UCKL1: variants seen among roughly 807,000 people sequenced by gnomAD.
UCKL1 encodes uridine-cytidine kinase 1 like 1.
A neutral mutation model predicts 59.2 loss-of-function variants in UCKL1; 65 were observed. The ratio of observed to expected loss-of-function variants is 1.10; its 90% CI spans 0.90 to 1.35. The LOEUF (loss-of-function observed/expected upper bound fraction) is 1.35, where lower values mean the gene tolerates loss of function less well. Among genes scored for constraint, UCKL1 ranks in the 40% most tolerant of loss-of-function variants. The probability of loss-of-function intolerance (pLI) is 0.00; values close to 1 mark genes in which losing one functional copy is unlikely to be tolerated. For missense variants in UCKL1, 703 were observed against 784.3 expected (o/e 0.90, Z 1.24); for synonymous variants, 410 against 323.1 (o/e 1.27, Z -2.88).
In UCKL1 at chr20:63,940,157, T is replaced by G; in HGVS notation, c.1560A>C (p.Pro520=). The change falls in exon 14 of 15, where the codon CCA becomes CCC. Residue 520 remains proline (P), a synonymous_variant. Coordinates refer to ENST00000354216, the MANE Select transcript of UCKL1 (RefSeq NM_017859.4). ...GGGCCCGGGCAGCCTCACCAATGCC[T>G]GGGATGATGCGGAAAAGGTCATTGA... ...KRVNDLFRII[P]GIGNFGDRYF... 1.2e-6 allele frequency: 2 copies of G among 1,612,406 alleles called. No individual in the cohort carries two copies. Among genetic ancestry groups the G allele is most frequent in the Non-Finnish European group, 1.7e-6 (2 of 1,179,896 alleles).
At chr20:63,941,588 C>A (rs2146378051) in intron 8 of UCKL1, 1 of 252,446 alleles carries the variant, frequency 4.0e-6, no homozygotes. Context: ...TTGTCCCCAG[C>A]CTCTCCCCGG....
In UCKL1 at chr20:63,956,391, T is replaced by C. The variant is rs1166002539; in HGVS notation, c.-19A>G. ...CAGCCATGGCGCTCGGAGGCCTCTT[T>C]GCGGGCCTGGCCGGGCGGCGCGCAT... On this transcript the variant is annotated 5_prime_UTR_variant, in exon 1 of 15. Coordinates refer to ENST00000354216, the MANE Select transcript of UCKL1 (RefSeq NM_017859.4). 13 of 1,439,172 alleles carry C rather than the reference T, an allele frequency of 9.0e-6. No individual in the cohort carries two copies. The highest frequency in any genetic ancestry group is 1.2e-5 in the Non-Finnish European group (13 of 1,098,172). The allele number at this position is 1,439,172 out of a possible 1,614,324, so 89.2% of individuals were successfully genotyped here. A position where few individuals can be genotyped will look rare whatever the true frequency, so the allele number is the denominator to read the frequency against.
In UCKL1 at chr20:63,950,942, C is replaced by A. The variant is rs541796161; in HGVS notation, c.114-4299G>T. 1.7e-5 allele frequency: 23 copies of A among 1,331,166 alleles called. No individual in the cohort carries two copies. The African/African-American group carries it at 2.3e-4, about 13-fold the overall frequency. The allele number at this position is 1,331,166 out of a possible 1,614,324, so 82.5% of individuals were successfully genotyped here. A position where few individuals can be genotyped will look rare whatever the true frequency, so the allele number is the denominator to read the frequency against. On this transcript the variant is annotated intron_variant, in intron 1 of 14. Coordinates refer to ENST00000354216, the MANE Select transcript of UCKL1 (RefSeq NM_017859.4). ...TCACCACCTCAGACCCACAGCAGTC[C>A]CCTAGGGCAGCTCAGGAGCTCCGGC...
chr20:63,941,498 C>T (rs1167690564), intron 8 of UCKL1: 2 of 451,856 alleles, frequency 4.4e-6, no homozygotes, highest in Non-Finnish European at 4.2e-6. Context: ...ACCCCTCCTG[C>T]GCTAAGAGGA....
chr20:63,952,311 C>T (rs1317348073), intron 1 of UCKL1, among the ~76,000 whole-genome samples: 4 of 152,198 alleles, frequency 2.6e-5, no homozygotes, highest in African/African-American at 7.2e-5. Flanking sequence ...CTGCCCTAGC[C>T]GGCCAAGAGG....
intron 1 of UCKL1, among the ~76,000 whole-genome samples, chr20:63,948,779 T>C (rs1215033044): frequency 6.6e-6 from 1 of 151,622 alleles, no homozygotes; most frequent in Non-Finnish European, 1.5e-5. Context: ...GCCACCAAGA[T>C]TTGGAACAGC....
At chr20:63,956,181 A>G (rs1041318296) in intron 1 of UCKL1, 79 bp downstream of exon 1, 1 of 1,283,360 alleles carries the variant, frequency 7.8e-7, no homozygotes, top group Non-Finnish European at 1.0e-6. Context: ...CGCGGCGGGG[A>G]CGGACCACCC....
At position 63,939,995 on chromosome 20, in the gene UCKL1, T is replaced by C. The variant is rs1302109887; in HGVS notation, c.1628A>G (p.Glu543Gly). 1 of 1,592,340 alleles carries C rather than the reference T, an allele frequency of 6.3e-7. No individual in the cohort carries two copies. Among genetic ancestry groups the C allele is most frequent in the Non-Finnish European group, 8.6e-7 (1 of 1,167,304 alleles). Reference protein sequence around the residue: ...DAVPDGSDEEEVAYTG With the variant: ...DAVPDGSDEEGVAYTG ...GGGCAGCTAACCCGTGTAGGCCACT[T>C]CCTCCTCGTCACTGCCATCGGGGAC... Residue 543 changes from glutamate to glycine, a missense_variant, in exon 15 of 15, where the codon GAA becomes GGA. Glu to Gly is a moderately conservative substitution (Grantham distance 98). Around this residue, in one of 4 missense-constraint regions of UCKL1, gnomAD observed 124 missense variants for 161.1 expected, o/e 0.77. Coordinates refer to ENST00000354216, the MANE Select transcript of UCKL1 (RefSeq NM_017859.4).
At chr20:63,945,407 G>A (rs2055890055) in intron 5 of UCKL1, among the ~76,000 whole-genome samples, 1 of 152,230 alleles carries the variant, frequency 6.6e-6, no homozygotes, top group Non-Finnish European at 1.5e-5. Context: ...GACACTCCAG[G>A]TATGCGCACA....
chr20:63,955,064 C>T (rs921944262), intron 1 of UCKL1: 1 of 152,156 alleles, frequency 6.6e-6, no homozygotes, highest in African/African-American at 2.4e-5. Context: ...GACAACCTGA[C>T]AAAATACCTC....
chr20:63,942,692 A>C (rs1488975892), intron 8 of UCKL1: 1 of 501,058 alleles, frequency 2.0e-6, no homozygotes, highest in Non-Finnish European at 4.1e-6. Flanking sequence ...CCTGGGGCTG[A>C]AGGAAGTGAG....
Position 63,956,364 on chromosome 20 carries a change from C to A in UCKL1, c.9G>T (p.Ala3=), listed in dbSNP as rs371788827. Residue 3 remains alanine, a synonymous_variant, in exon 1 of 15, where the codon GCG becomes GCT. Coordinates refer to ENST00000354216, the MANE Select transcript of UCKL1 (RefSeq NM_017859.4). MA[A]PPARADADPS... ...GATCAGCGTCCGCGCGGGCCGGGGG[C>A]GCAGCCATGGCGCTCGGAGGCCTCT... 58 of 1,523,682 alleles carry A rather than the reference C, an allele frequency of 3.8e-5. No homozygotes were observed. Among genetic ancestry groups the A allele is most frequent in the Non-Finnish European group, 4.8e-5 (55 of 1,138,010 alleles). The allele number at this position is 1,523,682 out of a possible 1,614,324, so 94.4% of individuals were successfully genotyped here.
At chr20:63,946,362 T>C (rs2056207942) in intron 2 of UCKL1, 91 bp downstream of exon 2, 19 of 1,527,430 alleles carry the variant, frequency 1.2e-5, no homozygotes, top group South Asian at 1.2e-4. Context: ...CTGCCTGCGG[T>C]TGCCCGGCTT....
intron 1 of UCKL1, chr20:63,954,500 C>T (rs1158998267): frequency 6.6e-6 from 1 of 152,266 alleles, no homozygotes; most frequent in East Asian, 1.9e-4. Flanking sequence ...CACAGACCTC[C>T]AAGCTGGAGC....
intron 8 of UCKL1, 70 bp from the exon 9 acceptor site, chr20:63,941,278 G>C: frequency 2.8e-6 from 4 of 1,453,658 alleles, no homozygotes; most frequent in Non-Finnish European, 3.6e-6. Context: ...CCCACAGGAC[G>C]GCTGTGCGTC....
At position 63,946,479 on chromosome 20, in the gene UCKL1, G is replaced by C. The variant is rs138290089; in HGVS notation, c.278C>G (p.Thr93Arg). Residue 93 changes from threonine to arginine, a missense_variant, in exon 2 of 15, where the codon ACG becomes AGG. By Grantham distance (71) the Thr-to-Arg change is moderately conservative (BLOSUM62 -1). Around this residue, in one of 4 missense-constraint regions of UCKL1, gnomAD observed 398 missense variants for 373.0 expected, o/e 1.07. Transcript: ENST00000354216. ...GRPPWYNEHGTQSKEAFAIGL... is the reference protein window; with the variant it reads ...GRPPWYNEHGRQSKEAFAIGL... ...GATGGCGAAGGCCTCTTTGGATTGC[G>C]TGCCGTGTTCATTGTACCAGGGCGG... 3 of 1,573,770 alleles carry C rather than the reference G, an allele frequency of 1.9e-6. No homozygotes were observed. Among genetic ancestry groups the C allele is most frequent in the East Asian group, 4.5e-5 (2 of 44,452 alleles).
Position 63,940,648 on chromosome 20 carries a change from G to A in UCKL1, c.1248C>T (p.Asp416=), listed in dbSNP as rs760851807. The change falls in exon 12 of 15, where the codon GAC becomes GAT. Residue 416 remains aspartate, a synonymous_variant. Transcript: ENST00000354216. ...MEPALRAVCK[D]VRIGTILIQT... ...GGATGAGGATGGTGCCGATGCGCAC[G>A]TCTTTGCACACAGCGCGCAGCGCGG... 1.9e-6 allele frequency: 3 copies of A among 1,610,154 alleles called. No individual in the cohort carries two copies. Among genetic ancestry groups the A allele is most frequent in the East Asian group, 4.5e-5 (2 of 44,864 alleles).
At position 63,940,423 on chromosome 20, in the gene UCKL1, G is replaced by A. The variant is rs757790496; in HGVS notation, c.1365C>T (p.Thr455=). ...TCATGGCCGCCGCGCCCGTGGACACGGTGCAGTCCATGAGGATCACGTGGT... is the reference window on the plus strand; with the variant it reads ...TCATGGCCGCCGCGCCCGTGGACACAGTGCAGTCCATGAGGATCACGTGGT... ...SDDHVILMDC[T]VSTGAAAMMA... is the part of the protein sequence containing the mutation. The change falls in exon 13 of 15, where the codon ACC becomes ACT. Residue 455 remains threonine (T), a synonymous_variant. Transcript: ENST00000354216. 1.1e-5 allele frequency: 18 copies of A among 1,612,080 alleles called. No homozygotes were observed. The highest frequency in any genetic ancestry group is 1.5e-5 in the Non-Finnish European group (18 of 1,179,502).
At chr20:63,941,341 G>T in intron 8 of UCKL1, 133 bp from the exon 9 acceptor site, 1 of 1,357,624 alleles carries the variant, frequency 7.4e-7, no homozygotes, top group Non-Finnish European at 1.0e-6. Flanking sequence ...GAGCGGGCCT[G>T]ACTTCTGCCT....
Sources: allele counts gnomAD v4.1 joint callset (sites outside exome capture counted in the v4.1 genomes callset), GRCh38; gene constraint gnomAD v4.1.1; regional missense constraint gnomAD v4.1.1; transcripts MANE v1.5; gene names NCBI Gene and HGNC (gene_info 2026-07-23, HGNC 2026-07-21).